Variants in SLC2A9 observed in about 807,000 individuals in gnomAD.
SLC2A9 encodes solute carrier family 2 member 9.
Under a neutral mutation model 50.6 loss-of-function variants are expected in SLC2A9, and 39 were observed. That is an observed-to-expected ratio of 0.77 (90% confidence interval 0.60 to 1.01). SLC2A9 has a LOEUF of 1.01. Ranked by LOEUF, SLC2A9 falls within the 50% of genes least tolerant of loss-of-function variation. The pLI is 0.00. For missense variants in SLC2A9, 686 were observed against 677.6 expected (o/e 1.01, Z -0.14); for synonymous variants, 324 against 276.9 (o/e 1.17, Z -1.69).
chr4:9,891,925 G>T (rs1737525248), intron 8 of SLC2A9, among the ~76,000 whole-genome samples: 3 of 152,208 alleles, frequency 2.0e-5, no homozygotes, highest in Non-Finnish European at 4.4e-5. Flanking sequence ...GCTCCTGCCT[G>T]CCAGCTTCAG....
At chr4:10,018,585 T>TAGAC (rs1409567822) in intron 2 of SLC2A9, among the ~76,000 whole-genome samples, 3 of 148,850 alleles carry the variant, frequency 2.0e-5, no homozygotes, top group Admixed American at 1.3e-4. Context: ...GATAGATAGA[T>TAGAC]AGATAACAAC....
chr4:9,852,693 A>T (rs965627171), intron 10 of SLC2A9, among the ~76,000 whole-genome samples: 4 of 152,220 alleles, frequency 2.6e-5, no homozygotes, highest in African/African-American at 9.6e-5. Flanking sequence ...TGCCATATAA[A>T]AGTTCCTGAA....
chr4:9,987,158 C>T (rs1466367991), intron 3 of SLC2A9, among the ~76,000 whole-genome samples: 1 of 152,170 alleles, frequency 6.6e-6, no homozygotes, highest in African/African-American at 2.4e-5. Context: ...CTTGCTCTAT[C>T]ACCCAGGCTG....
At chr4:9,889,962 T>C (rs1397650786) in intron 9 of SLC2A9, among the ~76,000 whole-genome samples, 1 of 152,220 alleles carries the variant, frequency 6.6e-6, no homozygotes, top group Non-Finnish European at 1.5e-5. Flanking sequence ...AAAAAAATAC[T>C]GATGTTGTAA....
intron 5 of SLC2A9, among the ~76,000 whole-genome samples, chr4:9,969,333 C>T (rs1753527661): frequency 6.6e-6 from 1 of 152,054 alleles, no homozygotes; most frequent in Non-Finnish European, 1.5e-5. Flanking sequence ...AACTAAATTT[C>T]CTTGCAAATT....
chr4:9,776,052 T>G (rs553517652), downstream of SLC2A9, among the ~76,000 whole-genome samples: 5 of 152,066 alleles, frequency 3.3e-5, no homozygotes, highest in East Asian at 9.7e-4. Context: ...TAGCCTCCAC[T>G]TGACAGCAAG....
chr4:9,862,985 C>A (rs1466250222), intron 10 of SLC2A9, among the ~76,000 whole-genome samples: 1 of 152,002 alleles, frequency 6.6e-6, no homozygotes, highest in Non-Finnish European at 1.5e-5. Context: ...TTGCATTGGA[C>A]AATAAAGCAC....
intron 1 of SLC2A9, among the ~76,000 whole-genome samples, chr4:10,039,453 C>T (rs1365883827): frequency 6.6e-6 from 1 of 152,224 alleles, no homozygotes; most frequent in African/African-American, 2.4e-5. Context: ...GAAGTGAACA[C>T]TTCTTTTCCC....
At chr4:9,947,097 G>C (rs901681843) in intron 5 of SLC2A9, among the ~76,000 whole-genome samples, 4 of 152,162 alleles carry the variant, frequency 2.6e-5, no homozygotes, top group African/African-American at 7.2e-5. Flanking sequence ...CCCCAGGCTT[G>C]CTAGCCAGTG....
intron 7 of SLC2A9, among the ~76,000 whole-genome samples, chr4:9,913,146 G>A (rs1742161488): frequency 6.6e-6 from 1 of 152,202 alleles, no homozygotes. Context: ...AGAATTGTAA[G>A]ATAATAAATT....
chr4:10,021,670 G>A (rs901143970), upstream of SLC2A9, among the ~76,000 whole-genome samples: 1 of 149,200 alleles, frequency 6.7e-6, no homozygotes, highest in Non-Finnish European at 1.5e-5. Flanking sequence ...CCACCCAGGG[G>A]GTGGAATTTT....
At chr4:9,973,167 T>C (rs769778113) in intron 5 of SLC2A9, among the ~76,000 whole-genome samples, 1 of 152,170 alleles carries the variant, frequency 6.6e-6, no homozygotes, top group Non-Finnish European at 1.5e-5. Flanking sequence ...TTATGAACAC[T>C]TCTAGGCACA....
intron 8 of SLC2A9, among the ~76,000 whole-genome samples, chr4:9,902,521 G>C (rs1449811435): frequency 6.6e-6 from 1 of 152,342 alleles, no homozygotes; most frequent in South Asian, 2.1e-4. Flanking sequence ...AGACAGAGCG[G>C]CTTCAGCAAT....
exon 2 of SLC2A9, chr4:9,771,331 C>T (rs1365123971): frequency 1.8e-5 from 7 of 392,182 alleles, no homozygotes; most frequent in Non-Finnish European, 2.7e-5. Flanking sequence ...TATCCAGGCA[C>T]ATTCATTTCT....
At chr4:9,875,397 G>T (rs1200363598) in intron 10 of SLC2A9, among the ~76,000 whole-genome samples, 1 of 152,276 alleles carries the variant, frequency 6.6e-6, no homozygotes, top group South Asian at 2.1e-4. Flanking sequence ...TCTCAGATGG[G>T]ATGCTGTGTC....
chr4:9,849,975 G>C (rs972826496), intron 10 of SLC2A9, among the ~76,000 whole-genome samples: 1 of 141,720 alleles, frequency 7.1e-6, no homozygotes, highest in African/African-American at 2.7e-5. Context: ...AGATGGTCGA[G>C]CTAGGAGGAA....
intron 6 of SLC2A9, among the ~76,000 whole-genome samples, chr4:9,931,233 G>A (rs529863255): frequency 6.6e-6 from 1 of 152,322 alleles, no homozygotes; most frequent in South Asian, 2.1e-4. Context: ...CAATTTGAAA[G>A]TAAGAGGGCT....
At chr4:9,899,105 G>C (rs1033056969) in intron 8 of SLC2A9, among the ~76,000 whole-genome samples, 1 of 152,324 alleles carries the variant, frequency 6.6e-6, no homozygotes, top group African/African-American at 2.4e-5. Context: ...GACTCTTTCA[G>C]AGAGAAATGT....
At chr4:9,926,814 G>C (rs1306099062) in intron 6 of SLC2A9, among the ~76,000 whole-genome samples, 3 of 152,134 alleles carry the variant, frequency 2.0e-5, no homozygotes, top group African/African-American at 7.2e-5. Context: ...TATGACTCTT[G>C]TCCTTACAAG....
Sources: gnomAD v4.1 joint callset for allele counts (sites outside exome capture counted in the v4.1 genomes callset) on GRCh38, gnomAD v4.1.1 for gene constraint, MANE v1.5 for transcripts, NCBI Gene and HGNC (gene_info 2026-07-23, HGNC 2026-07-21) for gene names.